Variants in ILDR2 observed in about 807,000 individuals in gnomAD.
ILDR2 encodes immunoglobulin like domain containing receptor 2.
In ILDR2, 25 loss-of-function variants were observed where a neutral mutation model predicts 66.8. That is an observed-to-expected ratio of 0.37 (90% confidence interval 0.27 to 0.52). The LOEUF (loss-of-function observed/expected upper bound fraction) is 0.52. Ranked by LOEUF, ILDR2 falls within the 20% of genes least tolerant of loss-of-function variation. The probability of loss-of-function intolerance (pLI) is 0.88; values close to 1 mark genes in which losing one functional copy is unlikely to be tolerated. For synonymous variants in ILDR2, 367 were observed against 357.2 expected (o/e 1.03, Z -0.31); for missense variants, 827 against 876.8 (o/e 0.94, Z 0.72).
intron 7 of ILDR2, among the ~76,000 whole-genome samples, chr1:166,924,948 C>T (rs1415065886): frequency 6.6e-6 from 1 of 151,928 alleles, no homozygotes; most frequent in African/African-American, 2.4e-5. Flanking sequence ...CCCAGGAAGT[C>T]GAGGCTGCAG....
chr1:166,904,176 G>C (rs1405075881), downstream of ILDR2, among the ~76,000 whole-genome samples: 2 of 152,186 alleles, frequency 1.3e-5, no homozygotes, highest in Non-Finnish European at 2.9e-5. Context: ...AAAAGGATAA[G>C]ACTCTCCTAA....
intron 1 of ILDR2, among the ~76,000 whole-genome samples, chr1:166,969,318 T>C (rs7545806): frequency 0.17 from 26,173 of 152,156 alleles, 2,370 homozygotes; most frequent in Non-Finnish European, 0.19. Flanking sequence ...TGAAGGAGAA[T>C]AGAGGAAGCG....
intron 1 of ILDR2, among the ~76,000 whole-genome samples, chr1:166,973,012 C>T (rs910644104): frequency 6.6e-6 from 1 of 152,162 alleles, no homozygotes; most frequent in African/African-American, 2.4e-5. Flanking sequence ...CTCTACTTTG[C>T]TGAGGCTGAG....
chr1:166,947,682 G>A (rs1661712143), intron 3 of ILDR2, among the ~76,000 whole-genome samples: 1 of 152,150 alleles, frequency 6.6e-6, no homozygotes, highest in Admixed American at 6.5e-5. Context: ...CCCCCGCTCG[G>A]GCCGGCGCGG....
chr1:166,957,510 T>C (rs1662349397), intron 2 of ILDR2, among the ~76,000 whole-genome samples: 2 of 152,314 alleles, frequency 1.3e-5, no homozygotes, highest in South Asian at 4.1e-4. Context: ...CTCCTGAGGC[T>C]TGATGCTGGG....
intron 6 of ILDR2, among the ~76,000 whole-genome samples, chr1:166,930,649 C>G (rs1458065142): frequency 6.6e-6 from 1 of 152,188 alleles, no homozygotes; most frequent in Non-Finnish European, 1.5e-5. Context: ...TTCCTGGTCC[C>G]TCCTCTCCAA....
At position 166,918,078 on chromosome 1, in the gene ILDR2, G is replaced by A. The variant is rs148093288; in HGVS notation, c.*1277C>T. On this transcript the variant is annotated 3_prime_UTR_variant, in exon 10 of 10. Transcript: ENST00000271417. The stretch of plus-strand genomic sequence containing the variant: ...CCTCTTGATGAGAAGGAAAGAGTTC[G>A]TGGCCATTTTTGCTATCTACACAAA... The A allele has an allele frequency of 4.6e-5, 7 of 152,122 alleles. No homozygotes were observed. In the East Asian group the frequency reaches 5.8e-4, roughly 13 times the overall value. The allele number at this position is 152,122 out of a possible 1,614,324, so 9.4% of individuals were successfully genotyped here.
At chr1:166,964,049 G>C (rs1662782303) in intron 1 of ILDR2, among the ~76,000 whole-genome samples, 1 of 151,780 alleles carries the variant, frequency 6.6e-6, no homozygotes, top group African/African-American at 2.4e-5. Flanking sequence ...CCTTAGGAGA[G>C]AGAGCAAGAG....
In ILDR2 at chr1:166,936,460, G is replaced by A. The variant is rs992498856; in HGVS notation, c.703+131C>T. ...GAGGCCAGGGGCACCCAGCGGAGAA[G>A]AGTCTGGAATGACCAATCTTGGGGG... On this transcript the variant is annotated intron_variant, in intron 5 of 9. Transcript: ENST00000271417. The surrounding 1 kb of genome is among the most constrained non-coding windows in gnomAD (Gnocchi z 5.0). 122 of 1,389,076 alleles carry A rather than the reference G, an allele frequency of 8.8e-5. No individual in the cohort carries two copies. The highest frequency in any genetic ancestry group is 1.2e-4 in the Non-Finnish European group (117 of 1,015,376). 86.0% of individuals were successfully genotyped at this position (1,389,076 alleles called of 1,614,324 possible).
chr1:166,972,118 A>C (rs1663333956), intron 1 of ILDR2, among the ~76,000 whole-genome samples: 1 of 152,116 alleles, frequency 6.6e-6, no homozygotes, highest in African/African-American at 2.4e-5. Context: ...AGGCTGAGGC[A>C]CAAGAATTGC....
At chr1:166,961,870 G>A (rs928446620) in intron 1 of ILDR2, among the ~76,000 whole-genome samples, 1 of 152,164 alleles carries the variant, frequency 6.6e-6, no homozygotes, top group South Asian at 2.1e-4. Context: ...TAGTGACAGT[G>A]CCTGGGTATG....
chr1:166,960,503 C>A (rs1662547072), intron 1 of ILDR2, among the ~76,000 whole-genome samples: 1 of 152,168 alleles, frequency 6.6e-6, no homozygotes, highest in Non-Finnish European at 1.5e-5. Flanking sequence ...ATAATGCTTA[C>A]TCTCAGAGTT....
chr1:166,944,771 G>A (rs1275151000), intron 3 of ILDR2, among the ~76,000 whole-genome samples: 1 of 152,176 alleles, frequency 6.6e-6, no homozygotes, highest in Non-Finnish European at 1.5e-5. Flanking sequence ...AGCCCTGTAA[G>A]AATGCTGCAC....
chr1:166,955,741 ACTTTCTCC>A (rs1283278951), intron 3 of ILDR2, among the ~76,000 whole-genome samples: 1 of 152,226 alleles, frequency 6.6e-6, no homozygotes, highest in African/African-American at 2.4e-5. Context: ...AACAACTGCC[ACTTTCTCC>A]CTAGGGATTG....
rs75787195 is a variant in ILDR2, at chr1:166,962,373, G to A, written c.47-4272C>T. On this transcript the variant is annotated intron_variant, in intron 1 of 9. Coordinates refer to ENST00000271417, the MANE Select transcript of ILDR2 (RefSeq NM_199351.3). ...GCAATCCAGTTGCTCCACTGGGTCT[G>A]AGAACCCTTGCCCTGAACTCTGGCC... Among the ~76,000 whole-genome samples the A allele has an allele frequency of 1.1e-3, 168 of 152,258 alleles. 1 individual carries two copies. In the East Asian group the frequency reaches 0.026, roughly 23 times the overall value.
chr1:166,941,561 C>T (rs565979846), intron 3 of ILDR2, among the ~76,000 whole-genome samples: 20 of 152,226 alleles, frequency 1.3e-4, no homozygotes, highest in Non-Finnish European at 2.5e-4. Flanking sequence ...AATTTGGGCT[C>T]CTGGAGATTT....
At position 166,919,448 on chromosome 1, in the gene ILDR2, G is replaced by T. The variant is rs114922310; in HGVS notation, c.1885-58C>A. 4,467 of 1,514,386 alleles carry T rather than the reference G, an allele frequency of 2.9e-3. 110 individuals carry two copies. The African/African-American group carries it at 0.054, about 18-fold the overall frequency. 93.8% of individuals were successfully genotyped at this position (1,514,386 alleles called of 1,614,324 possible). On this transcript the variant is annotated intron_variant, in intron 9 of 9. Transcript: ENST00000271417. ...CCACATGCTAGTTAAAGAAAACAAC[G>T]AATAACAGATGGTTCTCTGGGCAGA...
chr1:166,969,821 A>C (rs115926267), intron 1 of ILDR2, among the ~76,000 whole-genome samples: 6,769 of 152,274 alleles, frequency 0.044, 529 homozygotes, highest in African/African-American at 0.15. Flanking sequence ...ACCAAGTCAT[A>C]TTAAGGCAGT....
At chr1:166,935,747 A>ACAGCAGCATCCCCAGTGACAG (rs1660935224) in intron 5 of ILDR2, among the ~76,000 whole-genome samples, 1 of 152,190 alleles carries the variant, frequency 6.6e-6, no homozygotes, top group Non-Finnish European at 1.5e-5. Context: ...GGGAGCTGTC[A>ACAGCAGCATCCCCAGTGACAG]CAGCAGCATC....
Sources: allele counts gnomAD v4.1 joint callset (sites outside exome capture counted in the v4.1 genomes callset), GRCh38; gene constraint gnomAD v4.1.1; non-coding constraint Gnocchi (gnomAD v3.1); transcripts MANE v1.5; gene names NCBI Gene and HGNC (gene_info 2026-07-23, HGNC 2026-07-21).